The following CCNJL variants were observed in gnomAD, a reference collection of about 807,000 sequenced individuals.
CCNJL encodes the protein cyclin-J-like protein.
In CCNJL, 33 loss-of-function variants were observed where a neutral mutation model predicts 33.4. That is an observed-to-expected ratio of 0.99 (90% CI 0.75 to 1.32). CCNJL has a LOEUF of 1.32. Ranked by LOEUF, CCNJL falls within the 40% of genes most tolerant of loss-of-function variation. The pLI is 0.00. For missense variants in CCNJL, 512 were observed against 499.7 expected (o/e 1.02, Z -0.23); for synonymous variants, 227 against 220.9 (o/e 1.03, Z -0.24).
chr5:160,255,710 T>C lies in CCNJL; in HGVS notation c.584-2A>G. On this transcript the variant is annotated splice_acceptor_variant, in intron 4 of 5. Coordinates refer to ENST00000257536, the MANE Select transcript of CCNJL (RefSeq NM_001308173.3). LOFTEE classifies it high-confidence loss of function. Reference sequence around the variant, plus strand: ...GCTGGAATTTGTAGAATATGTGATCTGAAAGAAAGCCACGGAGGGAGTCAG... The same window carrying C: ...GCTGGAATTTGTAGAATATGTGATCCGAAAGAAAGCCACGGAGGGAGTCAG... The C allele has an allele frequency of 6.2e-7, 1 of 1,613,434 alleles. No individual in the cohort carries two copies. Among genetic ancestry groups the C allele is most frequent in the Non-Finnish European group, 8.5e-7 (1 of 1,179,930 alleles).
At chr5:160,274,859 C>T (rs150417515) in intron 3 of CCNJL, 2 of 152,350 alleles carry the variant, frequency 1.3e-5, no homozygotes, top group East Asian at 3.9e-4. Flanking sequence ...CAGGCTCAGG[C>T]TCAGGGTCCG....
At chr5:160,263,100 G>A (rs1216332920) in intron 3 of CCNJL, among the ~76,000 whole-genome samples, 2 of 152,124 alleles carry the variant, frequency 1.3e-5, no homozygotes, top group Middle Eastern at 3.2e-3. Flanking sequence ...GAACACATAG[G>A]ACCCTTCACC....
At chr5:160,331,173 A>T (rs1763602477) in intron 1 of CCNJL, among the ~76,000 whole-genome samples, 1 of 142,206 alleles carries the variant, frequency 7.0e-6, no homozygotes, top group African/African-American at 2.6e-5. Flanking sequence ...TAGGACCCAG[A>T]CCCCAGTTAT....
intron 1 of CCNJL, among the ~76,000 whole-genome samples, chr5:160,321,906 C>T (rs1283678375): frequency 6.6e-6 from 1 of 152,190 alleles, no homozygotes; most frequent in East Asian, 1.9e-4. Flanking sequence ...TCCCCCAACC[C>T]TGCCCCCTAC....
At chr5:160,294,220 T>A (rs1762677399) in intron 2 of CCNJL, among the ~76,000 whole-genome samples, 1 of 152,186 alleles carries the variant, frequency 6.6e-6, no homozygotes, top group Non-Finnish European at 1.5e-5. Flanking sequence ...TTCCTCTCTC[T>A]GCCCCGATTG....
chr5:160,299,274 C>T (rs546978610), intron 2 of CCNJL, among the ~76,000 whole-genome samples: 2 of 152,232 alleles, frequency 1.3e-5, no homozygotes, highest in East Asian at 1.9e-4. Context: ...CTCAGCCTCC[C>T]GAGTAGGTGG....
chr5:160,310,238 C>T (rs1218140820), intron 2 of CCNJL, among the ~76,000 whole-genome samples: 1 of 152,158 alleles, frequency 6.6e-6, no homozygotes, highest in East Asian at 1.9e-4. Context: ...AGGACCATAC[C>T]CCTACCACTT....
At chr5:160,256,077 T>G (rs937766409) in intron 4 of CCNJL, among the ~76,000 whole-genome samples, 17 of 152,066 alleles carry the variant, frequency 1.1e-4, no homozygotes, top group Admixed American at 2.0e-4. Context: ...TTTTGAGAGA[T>G]AGGGTTTCAG....
At chr5:160,260,143 G>A (rs1761256991) in intron 3 of CCNJL, among the ~76,000 whole-genome samples, 1 of 152,246 alleles carries the variant, frequency 6.6e-6, no homozygotes, top group Non-Finnish European at 1.5e-5. Flanking sequence ...GCAGCCAGGG[G>A]CTGGGGAATA....
At chr5:160,296,456 C>T (rs1463421121) in intron 2 of CCNJL, among the ~76,000 whole-genome samples, 1 of 152,238 alleles carries the variant, frequency 6.6e-6, no homozygotes, top group Non-Finnish European at 1.5e-5. Flanking sequence ...CCTTTTGACC[C>T]TATTGTCTAC....
At chr5:160,268,526 G>C (rs1433303923) in intron 3 of CCNJL, among the ~76,000 whole-genome samples, 2 of 152,236 alleles carry the variant, frequency 1.3e-5, no homozygotes, top group Non-Finnish European at 2.9e-5. Context: ...CAGCTACAAT[G>C]ACAGTGGTTT....
rs529259578 is a variant in CCNJL at position 160,267,002 on chromosome 5, C to G, written c.281-7231G>C. ...GCCTTTCCCAGATGTCCCCCTCCCC[C>G]AGGGTGAGACTTTTCCCAGGTAACC... On this transcript the variant is annotated intron_variant, in intron 3 of 5. Coordinates refer to ENST00000257536, the MANE Select transcript of CCNJL (RefSeq NM_001308173.3). 2.6e-3 allele frequency among the ~76,000 whole-genome samples: 399 copies of G among 152,324 alleles called. 1 individual carries two copies. The highest frequency in any genetic ancestry group is 9.2e-3 in the African/African-American group (383 of 41,578).
chr5:160,261,683 TC>T (rs1440296706), intron 3 of CCNJL, among the ~76,000 whole-genome samples: 3 of 146,818 alleles, frequency 2.0e-5, no homozygotes, highest in Non-Finnish European at 4.5e-5. Context: ...CTCCAACCCC[TC>T]CCCGGGCTGG....
intron 2 of CCNJL, among the ~76,000 whole-genome samples, chr5:160,297,451 G>A (rs1762782133): frequency 6.6e-6 from 1 of 152,114 alleles, no homozygotes; most frequent in African/African-American, 2.4e-5. Flanking sequence ...CTCTGGGGAG[G>A]TCCTGGGAAG....
intron 4 of CCNJL, 108 bp from the exon 5 acceptor site, chr5:160,255,816 C>A: frequency 1.1e-6 from 1 of 917,880 alleles, no homozygotes; most frequent in Non-Finnish European, 1.7e-6. Flanking sequence ...CTTTTCATCG[C>A]TGCCCTACAA....
At chr5:160,273,642 CTTTTT>C (rs56869675) in intron 3 of CCNJL, among the ~76,000 whole-genome samples, 3 of 97,738 alleles carry the variant, frequency 3.1e-5, no homozygotes, top group African/African-American at 8.4e-5. Context: ...AGTGCCGCCA[CTTTTT>C]TTTTTTTTTT....
chr5:160,265,432 T>C (rs891566851), intron 3 of CCNJL, among the ~76,000 whole-genome samples: 1 of 152,014 alleles, frequency 6.6e-6, no homozygotes, highest in African/African-American at 2.4e-5. Flanking sequence ...GGTCAGAAGT[T>C]CAAGACCAGC....
At chr5:160,282,982 TATATATATATATATATATATATATATAC>T (rs1250066370) in intron 2 of CCNJL, among the ~76,000 whole-genome samples, 9,109 of 69,468 alleles carry the variant, frequency 0.13, 604 homozygotes, top group Middle Eastern at 0.24. Flanking sequence ...TATATATATA[TATATATATATATATATATATATATATAC>T]ATATATATAT....
intron 2 of CCNJL, among the ~76,000 whole-genome samples, chr5:160,299,835 G>T (rs1228489032): frequency 7.2e-6 from 1 of 139,302 alleles, no homozygotes; most frequent in African/African-American, 2.8e-5. Context: ...GAATTGCTTG[G>T]ATTTTTTTTT....
Sources: gnomAD v4.1 joint callset for allele counts (sites outside exome capture counted in the v4.1 genomes callset) on GRCh38, gnomAD v4.1.1 for gene constraint, MANE v1.5 for transcripts, NCBI Gene and HGNC (gene_info 2026-07-23, HGNC 2026-07-21) for gene names.